MLLT10: variants seen among roughly 807,000 people sequenced by gnomAD.
MLLT10 encodes the protein MLLT10 histone lysine methyltransferase DOT1L cofactor, also known as protein AF-10.
In MLLT10, 30 loss-of-function variants were observed where a neutral mutation model predicts 129.1. The observed-to-expected ratio is 0.23, with a 90% CI of 0.17 to 0.32. The LOEUF is 0.32. Ranked by LOEUF, MLLT10 falls within the 10% of genes least tolerant of loss-of-function variation. The probability of loss-of-function intolerance (pLI) is 1.00; values close to 1 mark genes in which losing one functional copy is unlikely to be tolerated. For missense variants in MLLT10, 1,119 were observed against 1,268.3 expected, an observed-to-expected ratio of 0.88 and a Z score of 1.79; for synonymous variants, 490 against 446.4, an observed-to-expected ratio of 1.10 and a Z score of -1.23.
At chr10:21,581,927 A>G (rs528888348) in intron 3 of MLLT10, among the ~76,000 whole-genome samples, 1 of 152,058 alleles carries the variant, frequency 6.6e-6, no homozygotes, top group Non-Finnish European at 1.5e-5. Context: ...TGTACACTAA[A>G]TTTATTTTAA....
At chr10:21,540,271 G>A (rs1167681385) in intron 3 of MLLT10, among the ~76,000 whole-genome samples, 1 of 151,926 alleles carries the variant, frequency 6.6e-6, no homozygotes, top group Non-Finnish European at 1.5e-5. Context: ...CGTGCCTATA[G>A]TCTAGCTACT....
chr10:21,609,911 T>A (rs956619828), intron 5 of MLLT10, among the ~76,000 whole-genome samples: 5 of 152,136 alleles, frequency 3.3e-5, no homozygotes, highest in Non-Finnish European at 7.4e-5. Context: ...ATACACAGAT[T>A]GTGAATTCTC....
chr10:21,539,331 T>C (rs1175055392), intron 3 of MLLT10, among the ~76,000 whole-genome samples: 1 of 152,020 alleles, frequency 6.6e-6, no homozygotes, highest in Non-Finnish European at 1.5e-5. Context: ...TTCCTTTTAC[T>C]ACATCTTTGG....
chr10:21,566,022 G>A (rs951972621), intron 3 of MLLT10, among the ~76,000 whole-genome samples: 1 of 136,174 alleles, frequency 7.3e-6, no homozygotes, highest in Non-Finnish European at 1.5e-5. Context: ...GTATGATCTC[G>A]GCTCACTGCA....
rs1309693386 is a variant in MLLT10, at chr10:21,624,510, T to G, written c.699+7303T>G. 2.1e-5 allele frequency: 18 copies of G among 848,452 alleles called. No homozygotes were observed. In the East Asian group the frequency reaches 4.5e-4, roughly 21 times the overall value. 52.6% of individuals were successfully genotyped at this position (848,452 alleles called of 1,614,324 possible). On this transcript the variant is annotated intron_variant, in intron 8 of 22. Transcript: ENST00000307729. ...AAATTGCTACTTAAAGATGAAACAG[T>G]TAAACAAAATTTTTTTTGAAGAATG...
At chr10:21,729,399 C>T (rs999106394) in intron 16 of MLLT10, among the ~76,000 whole-genome samples, 1 of 152,056 alleles carries the variant, frequency 6.6e-6, no homozygotes, top group Non-Finnish European at 1.5e-5. Flanking sequence ...CATATTATTT[C>T]CAACTTTATA....
At chr10:21,644,236 C>G (rs2048277011) in intron 8 of MLLT10, among the ~76,000 whole-genome samples, 1 of 152,166 alleles carries the variant, frequency 6.6e-6, no homozygotes, top group Non-Finnish European at 1.5e-5. Context: ...TTGGCTATCT[C>G]ATGCACATTA....
rs556085116 is a variant in MLLT10 at position 21,717,198 on chromosome 10, A to G, written c.1878+3248A>G. ...AACCTGGGAGGCAGAGGTTGCGGTG[A>G]GCCAAGATCACGCCATTGCGCTCCA... On this transcript the variant is annotated intron_variant, in intron 14 of 22. Coordinates refer to ENST00000307729, the MANE Select transcript of MLLT10 (RefSeq NM_001195626.3). Among the ~76,000 whole-genome samples the G allele has an allele frequency of 6.3e-5, 9 of 141,936 alleles. No individual in the cohort carries two copies. In the South Asian group the frequency reaches 1.4e-3, roughly 22 times the overall value. The allele number at this position is 141,936 out of a possible 152,430, so 93.1% of individuals were successfully genotyped here.
chr10:21,740,274 A>G, intron 22 of MLLT10, 38 bp downstream of exon 22: 2 of 1,591,548 alleles, frequency 1.3e-6, no homozygotes. Flanking sequence ...ATGAAACAAG[A>G]ACTGTATTGA....
rs751491661 is a variant in MLLT10 at position 21,534,774 on chromosome 10, G to C, written c.130G>C (p.Gly44Arg). Residue 44 changes from glycine (G) to arginine (R), a missense_variant, in exon 2 of 23, where the codon GGG becomes CGG. Coordinates refer to ENST00000307729, the MANE Select transcript of MLLT10 (RefSeq NM_001195626.3). ...CGAGAACCCGCTGGTTTATTGCGAC[G>C]GGCACGGCTGCAGCGTCGCGGTGCA... is the stretch of plus-strand genomic sequence containing the variant. ...WAENPLVYCD[G>R]HGCSVAVHQA... 2 of 1,612,016 alleles carry C rather than the reference G, an allele frequency of 1.2e-6. No individual in the cohort carries two copies. The highest frequency in any genetic ancestry group is 1.7e-6 in the Non-Finnish European group (2 of 1,178,892).
chr10:21,547,019 G>T (rs534335081), intron 3 of MLLT10, among the ~76,000 whole-genome samples: 1 of 151,938 alleles, frequency 6.6e-6, no homozygotes, highest in African/African-American at 2.4e-5. Flanking sequence ...TCCCATGCCC[G>T]GCCCTAATCC....
At chr10:21,686,312 C>T (rs1426057781) in intron 13 of MLLT10, among the ~76,000 whole-genome samples, 3 of 152,120 alleles carry the variant, frequency 2.0e-5, no homozygotes, top group Non-Finnish European at 4.4e-5. Context: ...CAAACTGCCT[C>T]AAAAGTTTCT....
intron 8 of MLLT10, among the ~76,000 whole-genome samples, chr10:21,638,913 A>C (rs1412167972): frequency 6.6e-6 from 1 of 152,158 alleles, no homozygotes; most frequent in Non-Finnish European, 1.5e-5. Context: ...AGCTCTGTTT[A>C]AACATAGTTT....
intron 3 of MLLT10, among the ~76,000 whole-genome samples, chr10:21,575,035 C>T (rs2040590015): frequency 6.6e-6 from 1 of 152,134 alleles, no homozygotes; most frequent in Non-Finnish European, 1.5e-5. Context: ...TCAGAGGCCT[C>T]TGACAAAAGG....
intron 10 of MLLT10, among the ~76,000 whole-genome samples, chr10:21,671,845 C>G (rs2051441875): frequency 6.6e-6 from 1 of 151,964 alleles, no homozygotes; most frequent in Admixed American, 6.6e-5. Flanking sequence ...CCCAGCTCCT[C>G]AGGAGGCTAC....
At chr10:21,676,156 A>C (rs2052070669) in intron 11 of MLLT10, among the ~76,000 whole-genome samples, 1 of 151,904 alleles carries the variant, frequency 6.6e-6, no homozygotes, top group Non-Finnish European at 1.5e-5. Context: ...GCGGCCGCAC[A>C]CAGTGGCTCA....
At chr10:21,618,510 GAA>G (rs1370717245) in intron 8 of MLLT10, among the ~76,000 whole-genome samples, 1 of 149,958 alleles carries the variant, frequency 6.7e-6, no homozygotes, top group Non-Finnish European at 1.5e-5. Context: ...TGTCTCAAAA[GAA>G]AAAAAAAATT....
Position 21,534,782 on chromosome 10 carries a change from C to T in MLLT10, c.138C>T (p.Gly46=), listed in dbSNP as rs2033506680. The T allele has an allele frequency of 6.2e-7, 1 of 1,610,774 alleles. No individual in the cohort carries two copies. Among genetic ancestry groups the T allele is most frequent in the Non-Finnish European group, 8.5e-7 (1 of 1,178,290 alleles). ...CGCTGGTTTATTGCGACGGGCACGGCTGCAGCGTCGCGGTGCATCAAGGTA... is the reference window on the plus strand; with the variant it reads ...CGCTGGTTTATTGCGACGGGCACGGTTGCAGCGTCGCGGTGCATCAAGGTA... ...ENPLVYCDGH[G]CSVAVHQACY... The change falls in exon 2 of 23, where the codon GGC becomes GGT. Residue 46 remains glycine (G), a synonymous_variant. Coordinates refer to ENST00000307729, the MANE Select transcript of MLLT10 (RefSeq NM_001195626.3).
intron 13 of MLLT10, among the ~76,000 whole-genome samples, chr10:21,704,381 A>G (rs912202380): frequency 3.1e-5 from 4 of 126,988 alleles, no homozygotes; most frequent in East Asian, 4.9e-4. Flanking sequence ...ATATATATAT[A>G]TAATTATTAC....
Sources: allele counts gnomAD v4.1 joint callset (sites outside exome capture counted in the v4.1 genomes callset), GRCh38; gene constraint gnomAD v4.1.1; transcripts MANE v1.5; gene names NCBI Gene and HGNC (gene_info 2026-07-23, HGNC 2026-07-21).